Variants in BAX observed in about 807,000 individuals in gnomAD.
BAX encodes the protein BCL2 associated X, apoptosis regulator, also known as apoptosis regulator BAX.
A neutral mutation model predicts 26.8 loss-of-function variants in BAX; 21 were observed. That is an observed-to-expected ratio of 0.78 (90% CI 0.56 to 1.13). The LOEUF is 1.13. Among genes scored for constraint, BAX ranks in the 50% most tolerant of loss-of-function variants. The probability of loss-of-function intolerance (pLI) is 0.00; values close to 1 mark genes in which losing one functional copy is unlikely to be tolerated. For missense variants in BAX, 236 were observed against 254.6 expected (o/e 0.93, Z 0.50); for synonymous variants, 110 against 101.8 (o/e 1.08, Z -0.49).
intron 1 of BAX, chr19:48,955,313 T>C (rs1009316): frequency 0.85 from 396,772 of 464,454 alleles, 170,940 homozygotes; most frequent in East Asian, 0.96. Context: ...TCTGGATGCA[T>C]ATAGCGTTCC....
At chr19:48,958,891 C>CT (rs2038239407) in intron 4 of BAX, among the ~76,000 whole-genome samples, 1 of 150,962 alleles carries the variant, frequency 6.6e-6, no homozygotes, top group Non-Finnish European at 1.5e-5. Flanking sequence ...CTGATGGGGC[C>CT]TGAACGTCCG....
At chr19:48,961,267 C>A in intron 5 of BAX, 1 of 1,423,696 alleles carries the variant, frequency 7.0e-7, no homozygotes, top group Admixed American at 2.9e-5. Flanking sequence ...TTTTTTTCCC[C>A]ACTGAGAAGG....
chr19:48,958,876 T>C (rs1173310304), intron 4 of BAX, among the ~76,000 whole-genome samples: 2 of 150,372 alleles, frequency 1.3e-5, no homozygotes, highest in Non-Finnish European at 3.0e-5. Flanking sequence ...GTTTTCAAGA[T>C]TGAGCTGATG....
rs556985719 is a variant in BAX, at chr19:48,961,784, C to T, written c.*148C>T. 14 of 713,142 alleles carry T rather than the reference C, an allele frequency of 2.0e-5. 1 individual carries two copies. In the South Asian group the frequency reaches 2.3e-4, roughly 12 times the overall value. 44.2% of individuals were successfully genotyped at this position (713,142 alleles called of 1,614,324 possible). A position where few individuals can be genotyped will look rare whatever the true frequency, so the allele number is the denominator to read the frequency against. On this transcript the variant is annotated 3_prime_UTR_variant, in exon 6 of 6. Transcript: ENST00000345358. ...GAGTGGTCTTGAGGGGGTAATAAAC[C>T]TCCTTCGGGACACACTTCGGCATCT...
intron 5 of BAX, 167 bp from the exon 6 acceptor site, chr19:48,961,365 G>C: frequency 1.6e-6 from 2 of 1,251,278 alleles, no homozygotes; most frequent in Non-Finnish European, 2.2e-6. Flanking sequence ...GGGATTACAG[G>C]TGTGAGCCAC....
chr19:48,961,186 T>G, intron 5 of BAX: 1 of 1,507,750 alleles, frequency 6.6e-7, no homozygotes, highest in Non-Finnish European at 8.8e-7. Context: ...CTGCCCTCCC[T>G]GGAGCCTCCA....
At chr19:48,956,470 C>T in intron 4 of BAX, 137 bp downstream of exon 4, 1 of 964,878 alleles carries the variant, frequency 1.0e-6, no homozygotes, top group South Asian at 2.1e-5. Context: ...CACTGGGTGT[C>T]TGCTCCTTCT....
rs754446832 is a variant in BAX, at chr19:48,956,229, C to T, written c.265C>T (p.Arg89Ter). The change falls in exon 4 of 6, where the codon CGA (arginine) becomes TGA (stop). Residue 89 changes from arginine to a stop codon, truncating the protein, a stop_gained. Coordinates refer to ENST00000345358, the MANE Select transcript of BAX (RefSeq NM_138761.4). LOFTEE classifies it high-confidence loss of function. ...MIAAVDTDSPREVFFRVAADM... is the reference protein window; with the variant it reads ...MIAAVDTDSP ...TGCCGCCGTGGACACAGACTCCCCCCGAGAGGTCTTTTTCCGAGTGGCAGC... is the reference window on the plus strand; with the variant it reads ...TGCCGCCGTGGACACAGACTCCCCCTGAGAGGTCTTTTTCCGAGTGGCAGC... 7 of 1,585,670 alleles carry T rather than the reference C, an allele frequency of 4.4e-6. No individual in the cohort carries two copies. Among genetic ancestry groups the T allele is most frequent in the Admixed American group, 1.8e-5 (1 of 55,434 alleles).
chr19:48,959,432 C>T (rs896841479), intron 4 of BAX, among the ~76,000 whole-genome samples: 1 of 148,506 alleles, frequency 6.7e-6, no homozygotes, highest in African/African-American at 2.5e-5. Flanking sequence ...GAATTTGCTT[C>T]GTCGAGGCCT....
intron 2 of BAX, 27 bp from the exon 3 acceptor site, chr19:48,955,660 T>C (rs2038094841): frequency 3.7e-6 from 6 of 1,612,304 alleles, no homozygotes; most frequent in Non-Finnish European, 5.1e-6. Context: ...GTTCTGATTC[T>C]GCACCCTCAC....
At chr19:48,957,927 C>T (rs1157451534) in intron 4 of BAX, among the ~76,000 whole-genome samples, 3 of 152,024 alleles carry the variant, frequency 2.0e-5, no homozygotes, top group African/African-American at 7.3e-5. Context: ...TGAAGATTCT[C>T]ATAAGAAAAT....
chr19:48,956,807 C>G lies in BAX; in HGVS notation c.369+474C>G, dbSNP rs570790152. Among the ~76,000 whole-genome samples the G allele has an allele frequency of 1.0e-3, 151 of 144,566 alleles. 1 individual carries two copies. The highest frequency in any genetic ancestry group is 3.6e-3 in the African/African-American group (142 of 39,148). The allele number at this position is 144,566 out of a possible 152,430, so 94.8% of individuals were successfully genotyped here. A position where few individuals can be genotyped will look rare whatever the true frequency, so the allele number is the denominator to read the frequency against. ...AGTAGCTGGGATTATGGGTGTGCAC[C>G]ATTATCCCTGGCTTTTTTTTTTTTT... On this transcript the variant is annotated intron_variant, in intron 4 of 5. Coordinates refer to ENST00000345358, the MANE Select transcript of BAX (RefSeq NM_138761.4).
rs375291870 is a variant in BAX, at chr19:48,960,840, A to G, written c.400A>G (p.Arg134Gly). 2.5e-5 allele frequency: 41 copies of G among 1,614,016 alleles called. No homozygotes were observed. The highest frequency in any genetic ancestry group is 3.5e-5 in the Non-Finnish European group (41 of 1,179,998). The change falls in exon 5 of 6, where the codon AGA (arginine) becomes GGA (glycine). Residue 134 changes from arginine to glycine, a missense_variant. Physicochemically the swap from Arg to Gly is moderately radical, Grantham distance 125. Transcript: ENST00000345358. ...ALCTKVPELI[R>G]TIMGWTLDFL... Reference sequence around the variant, plus strand: ...GTGCACCAAGGTGCCGGAACTGATCAGAACCATCATGGGCTGGACATTGGA... The same window carrying G: ...GTGCACCAAGGTGCCGGAACTGATCGGAACCATCATGGGCTGGACATTGGA...
In BAX at chr19:48,956,248, T is replaced by A; in HGVS notation, c.284T>A (p.Val95Glu). 6.3e-7 allele frequency: 1 copy of A among 1,587,212 alleles called. No individual in the cohort carries two copies. Among genetic ancestry groups the A allele is most frequent in the Non-Finnish European group, 8.6e-7 (1 of 1,167,016 alleles). ...TDSPREVFFR[V>E]AADMFSDGNF... ...TCCCCCCGAGAGGTCTTTTTCCGAG[T>A]GGCAGCTGACATGTTTTCTGACGGC... Residue 95 changes from valine to glutamate, a missense_variant, in exon 4 of 6, where the codon GTG (valine) becomes GAG (glutamate). By Grantham distance (121) the Val-to-Glu change is moderately radical. Coordinates refer to ENST00000345358, the MANE Select transcript of BAX (RefSeq NM_138761.4).
intron 4 of BAX, among the ~76,000 whole-genome samples, chr19:48,959,319 AGCCTG>A (rs1342348708): frequency 7.3e-6 from 1 of 136,988 alleles, no homozygotes; most frequent in Non-Finnish European, 1.5e-5. Flanking sequence ...ACTGCACTCC[AGCCTG>A]GAGCGACAGA....
Position 48,960,712 on chromosome 19 carries a change from T to A in BAX, c.370-98T>A, listed in dbSNP as rs1193592355. ...TTCAATTGTGGGTGGCAGAAATCTT[T>A]GAGGGGAGGCAAAGAATTGACAAAG... On this transcript the variant is annotated intron_variant, in intron 4 of 5. Coordinates refer to ENST00000345358, the MANE Select transcript of BAX (RefSeq NM_138761.4). The A allele has an allele frequency of 2.7e-6, 3 of 1,095,456 alleles. No homozygotes were observed. In the East Asian group the frequency reaches 7.2e-5, roughly 26 times the overall value. 67.9% of individuals were successfully genotyped at this position (1,095,456 alleles called of 1,614,324 possible).
rs550296104 is a variant in BAX, at chr19:48,955,971, G to T, written c.233+138G>T. 76 of 1,193,750 alleles carry T rather than the reference G, an allele frequency of 6.4e-5. 1 individual carries two copies. The African/African-American group carries it at 1.1e-3, about 17-fold the overall frequency. 73.9% of individuals were successfully genotyped at this position (1,193,750 alleles called of 1,614,324 possible). A position where few individuals can be genotyped will look rare whatever the true frequency, so the allele number is the denominator to read the frequency against. On this transcript the variant is annotated intron_variant, in intron 3 of 5. Coordinates refer to ENST00000345358, the MANE Select transcript of BAX (RefSeq NM_138761.4). ...TCAGCGCAAACATTCCGGACTCCCAGCCCTCCTCTCTGCCAGGATCTTAAA... is the reference window on the plus strand; with the variant it reads ...TCAGCGCAAACATTCCGGACTCCCATCCCTCCTCTCTGCCAGGATCTTAAA...
At chr19:48,955,648 C>T in intron 2 of BAX, 39 bp from the exon 3 acceptor site, 6 of 1,612,648 alleles carry the variant, frequency 3.7e-6, no homozygotes, top group Non-Finnish European at 5.1e-6. Context: ...GAGTGACACC[C>T]CGTTCTGATT....
At chr19:48,959,826 CA>C (rs764008422) in intron 4 of BAX, among the ~76,000 whole-genome samples, 1,308 of 118,590 alleles carry the variant, frequency 0.011, 1 homozygote, top group Non-Finnish European at 0.014. Context: ...AACTCTATCT[CA>C]AAAAAAAAAA....
Sources: allele counts gnomAD v4.1 joint callset (sites outside exome capture counted in the v4.1 genomes callset), GRCh38; gene constraint gnomAD v4.1.1; transcripts MANE v1.5; gene names NCBI Gene and HGNC (gene_info 2026-07-23, HGNC 2026-07-21).